Variants in BCAS3 observed in about 807,000 individuals in gnomAD.
BCAS3 encodes BCAS4/BCAS3 fusion.
Under a neutral mutation model 116.1 loss-of-function variants are expected in BCAS3, and 53 were observed. The ratio of observed to expected loss-of-function variants is 0.46; its 90% CI spans 0.37 to 0.57. The LOEUF is 0.57. Ranked by LOEUF, BCAS3 falls within the 20% of genes least tolerant of loss-of-function variation. The pLI is 0.00. For synonymous variants in BCAS3, 391 were observed against 408.2 expected, an observed-to-expected ratio of 0.96 and a Z score of 0.51; for missense variants, 917 against 1,165.4, an observed-to-expected ratio of 0.79 and a Z score of 3.10.
At chr17:60,801,828 A>T (rs1483981245) in intron 6 of BCAS3, among the ~76,000 whole-genome samples, 1 of 151,950 alleles carries the variant, frequency 6.6e-6, no homozygotes, top group Non-Finnish European at 1.5e-5. Flanking sequence ...AAACTTTTTG[A>T]ATTATTTCAT....
chr17:61,128,915 C>T lies in BCAS3; in HGVS notation c.2425+44351C>T, dbSNP rs114374890. The stretch of plus-strand genomic sequence containing the variant: ...CATTAAATTACTTCCTAAGTCACTT[C>T]CGGATGTCAGGCCTAAGGTGGAGAG... On this transcript the variant is annotated intron_variant, in intron 22 of 23. Coordinates refer to ENST00000407086, the MANE Select transcript of BCAS3 (RefSeq NM_017679.5). This position sits in a 1 kb window ranked among gnomAD's most constrained non-coding sequence, Gnocchi z 4.1. Among the ~76,000 whole-genome samples the T allele has an allele frequency of 3.2e-3, 482 of 152,314 alleles. 3 individuals are homozygous for T. Among genetic ancestry groups the T allele is most frequent in the African/African-American group, 0.011 (465 of 41,566 alleles).
chr17:60,725,563 C>A (rs1240584649), intron 5 of BCAS3, among the ~76,000 whole-genome samples: 1 of 152,138 alleles, frequency 6.6e-6, no homozygotes, highest in East Asian at 1.9e-4. Context: ...TGGTTCCCGA[C>A]CAGGAGTGAT....
At chr17:60,850,864 AT>A (rs2053080120) in intron 7 of BCAS3, among the ~76,000 whole-genome samples, 1 of 152,224 alleles carries the variant, frequency 6.6e-6, no homozygotes, top group African/African-American at 2.4e-5. Context: ...AAATAAAAAA[AT>A]ATAAATGTCA....
chr17:61,045,048 A>G (rs1002380134), intron 19 of BCAS3, among the ~76,000 whole-genome samples: 3 of 152,066 alleles, frequency 2.0e-5, no homozygotes, highest in African/African-American at 7.2e-5. Flanking sequence ...GGCATGAGCC[A>G]CTGTGCCCAG....
intron 6 of BCAS3, among the ~76,000 whole-genome samples, chr17:60,757,328 T>TAATAAATA (rs1304670427): frequency 0.011 from 214 of 19,062 alleles, no homozygotes; most frequent in South Asian, 0.045. Flanking sequence ...AAAATAATAA[T>TAATAAATA]AATAAATAAA....
intron 22 of BCAS3, among the ~76,000 whole-genome samples, chr17:61,117,346 A>C (rs1219336425): frequency 6.6e-6 from 1 of 152,206 alleles, no homozygotes; most frequent in African/African-American, 2.4e-5. Flanking sequence ...TAATCCAAGC[A>C]CTCTGGAAGT....
intron 14 of BCAS3, among the ~76,000 whole-genome samples, chr17:60,975,049 CG>C (rs1472552070): frequency 1.5e-4 from 22 of 148,672 alleles, no homozygotes; most frequent in African/African-American, 5.6e-4. Context: ...GGCCGGACTG[CG>C]GACTGCAGTG....
In BCAS3 at chr17:60,786,547, G is replaced by GTATATATATA. The variant is rs72319489; in HGVS notation, c.404-21442_404-21433dup. 3.9e-3 allele frequency among the ~76,000 whole-genome samples: 545 copies of GTATATATATA among 140,720 alleles called. 4 individuals are homozygous for GTATATATATA. The highest frequency in any genetic ancestry group is 0.013 in the East Asian group (61 of 4,678). The allele number at this position is 140,720 out of a possible 152,430, so 92.3% of individuals were successfully genotyped here. Reference sequence around the variant, plus strand: ...AACATTCCCCACTGCCTGCAAATGTGTATATATATATATATATATATATAA... The same window carrying GTATATATATA: ...AACATTCCCCACTGCCTGCAAATGTGTATATATATATATATATATATATATATATATATAA... On this transcript the variant is annotated intron_variant, in intron 6 of 23. Transcript: ENST00000407086.
At position 60,757,394 on chromosome 17, in the gene BCAS3, ATGTGTG is replaced by A. The variant is rs61645091; in HGVS notation, c.403+10153_403+10158del. On this transcript the variant is annotated intron_variant, in intron 6 of 23. Coordinates refer to ENST00000407086, the MANE Select transcript of BCAS3 (RefSeq NM_017679.5). ...TCTCTGCATCCTTGCCAGCATGTAT[ATGTGTG>A]TGTGTGTGTGTGTGTGTGTGTGTGT... Among the ~76,000 whole-genome samples, 521 of 136,662 alleles carry A rather than the reference ATGTGTG, an allele frequency of 3.8e-3. 4 individuals are homozygous for A. Among genetic ancestry groups the A allele is most frequent in the Middle Eastern group, 0.022 (6 of 272 alleles). 89.7% of individuals were successfully genotyped at this position (136,662 alleles called of 152,430 possible). A position where few individuals can be genotyped will look rare whatever the true frequency, so the allele number is the denominator to read the frequency against.
chr17:61,010,802 G>A, intron 15 of BCAS3, among the ~76,000 whole-genome samples: 1 of 152,092 alleles, frequency 6.6e-6, no homozygotes, highest in East Asian at 1.9e-4. Context: ...GTGGGGACTG[G>A]TAAACCTCTA....
intron 22 of BCAS3, among the ~76,000 whole-genome samples, chr17:61,287,287 A>G (rs954177343): frequency 6.6e-6 from 1 of 151,982 alleles, no homozygotes; most frequent in African/African-American, 2.4e-5. Context: ...AGATCTCTAT[A>G]GAGATAAATG....
In BCAS3 at chr17:61,082,553, G is replaced by A. The variant is rs2072710757; in HGVS notation, c.2328-1914G>A. On this transcript the variant is annotated intron_variant, in intron 21 of 23. Transcript: ENST00000407086. The surrounding 1 kb of genome is among the most constrained non-coding windows in gnomAD (Gnocchi z 5.1). ...CCCAATATAAATTGACTAACTATAG[G>A]AGTTGTATTAGCCCACATAGGAAGT... Among the ~76,000 whole-genome samples, 2 of 152,156 alleles carry A rather than the reference G, an allele frequency of 1.3e-5. No individual in the cohort carries two copies. Among genetic ancestry groups the A allele is most frequent in the African/African-American group, 4.8e-5 (2 of 41,440 alleles).
In BCAS3 at chr17:61,337,361, G is replaced by C. The variant is rs148484833; in HGVS notation, c.2426-30966G>C. 3.1e-3 allele frequency among the ~76,000 whole-genome samples: 469 copies of C among 152,252 alleles called. No homozygotes were observed. The highest frequency in any genetic ancestry group is 3.4e-3 in the Middle Eastern group (1 of 294). On this transcript the variant is annotated intron_variant, in intron 22 of 23. Coordinates refer to ENST00000407086, the MANE Select transcript of BCAS3 (RefSeq NM_017679.5). This position sits in a 1 kb window ranked among gnomAD's most constrained non-coding sequence, Gnocchi z 4.8. ...GTTCTCCCAGGTCAGTGCTGCTTCC[G>C]TTGTAAATAAACCATTAGCTGGGGG...
intron 22 of BCAS3, among the ~76,000 whole-genome samples, chr17:61,334,146 A>T (rs1405165057): frequency 6.6e-6 from 1 of 152,176 alleles, no homozygotes; most frequent in Admixed American, 6.5e-5. Context: ...GATACAGTAG[A>T]AGTATCAACA....
intron 22 of BCAS3, among the ~76,000 whole-genome samples, chr17:61,246,930 C>T (rs902158255): frequency 6.6e-6 from 1 of 151,642 alleles, no homozygotes; most frequent in Admixed American, 6.6e-5. Flanking sequence ...TTTGTTTTTT[C>T]ATATAGTTTC....
chr17:61,262,424 A>G (rs2049288606), intron 22 of BCAS3, among the ~76,000 whole-genome samples: 1 of 150,992 alleles, frequency 6.6e-6, no homozygotes, highest in Non-Finnish European at 1.5e-5. Flanking sequence ...TCTTTCGCCC[A>G]GGCTGTAGTG....
chr17:60,986,961 G>A (rs1339224187), intron 14 of BCAS3: 1 of 151,998 alleles, frequency 6.6e-6, no homozygotes, highest in African/African-American at 2.4e-5. Context: ...TTTCATAGTT[G>A]GAGATCTTAG....
chr17:60,858,960 A>T (rs1231413868), intron 7 of BCAS3, among the ~76,000 whole-genome samples: 1 of 152,198 alleles, frequency 6.6e-6, no homozygotes, highest in Admixed American at 6.5e-5. Flanking sequence ...TACAACAGTT[A>T]TCATAGAATT....
intron 8 of BCAS3, among the ~76,000 whole-genome samples, chr17:60,873,510 T>A (rs1236752998): frequency 6.6e-6 from 1 of 152,176 alleles, no homozygotes; most frequent in Non-Finnish European, 1.5e-5. Flanking sequence ...TTGAAGTAAA[T>A]ATTAAGCTTG....
Sources: allele counts gnomAD v4.1 joint callset (sites outside exome capture counted in the v4.1 genomes callset), GRCh38; gene constraint gnomAD v4.1.1; non-coding constraint Gnocchi (gnomAD v3.1); transcripts MANE v1.5; gene names NCBI Gene and HGNC (gene_info 2026-07-23, HGNC 2026-07-21).